The following TNKS1BP1 variants were observed in gnomAD, a reference collection of about 807,000 sequenced individuals.
TNKS1BP1 encodes the protein 182 kDa tankyrase-1-binding protein.
Under a neutral mutation model 141.1 loss-of-function variants are expected in TNKS1BP1, and 48 were observed. The observed-to-expected ratio is 0.34, with a 90% CI of 0.27 to 0.43. The LOEUF (loss-of-function observed/expected upper bound fraction) is 0.43. Ranked by LOEUF, TNKS1BP1 falls within the 20% of genes least tolerant of loss-of-function variation. TNKS1BP1 has a pLI of 1.00. For synonymous variants in TNKS1BP1, 875 were observed against 898.2 expected (o/e 0.97, Z 0.46); for missense variants, 2,149 against 2,226.0 (o/e 0.97, Z 0.70).
At chr11:57,318,077 C>T (rs1351472766) in intron 3 of TNKS1BP1, among the ~76,000 whole-genome samples, 190 bp from the exon 4 acceptor site, 1 of 152,178 alleles carries the variant, frequency 6.6e-6, no homozygotes, top group Non-Finnish European at 1.5e-5. Context: ...TCGGCAAGTG[C>T]CCCAGAAAAC....
intron 1 of TNKS1BP1, among the ~76,000 whole-genome samples, chr11:57,323,648 C>T (rs1331458261): frequency 2.0e-5 from 3 of 152,194 alleles, no homozygotes; most frequent in African/African-American, 7.2e-5. Flanking sequence ...GTACTGTCAA[C>T]CCATTGGTCA....
Position 57,302,223 on chromosome 11 carries a change from T to A in TNKS1BP1, c.4685A>T (p.Asp1562Val). ...CATGGCACTGTCGAGGATCTCGGTG[T>A]CCTGCTTGGGGCAATGGTGACACCA... ...SPSQDFSFIE[D>V]TEILDSAMYR... The change falls in exon 8 of 12, where the codon GAC (aspartate) becomes GTC (valine). Residue 1562 changes from aspartate (D) to valine (V), a missense_variant and splice_region_variant. By Grantham distance (152) the Asp-to-Val change is radical. Coordinates refer to ENST00000358252, the MANE Select transcript of TNKS1BP1 (RefSeq NM_033396.3). The surrounding 1 kb of genome is among the most constrained non-coding windows in gnomAD (Gnocchi z 5.5). The A allele has an allele frequency of 1.9e-6, 3 of 1,609,176 alleles. No individual in the cohort carries two copies. The highest frequency in any genetic ancestry group is 1.7e-4 in the Middle Eastern group (1 of 6,042).
Position 57,308,473 on chromosome 11 carries a change from T to C in TNKS1BP1, c.4238A>G (p.Asp1413Gly). 1 of 1,614,088 alleles carries C rather than the reference T, an allele frequency of 6.2e-7. No homozygotes were observed. Among genetic ancestry groups the C allele is most frequent in the South Asian group, 1.1e-5 (1 of 91,076 alleles). ...TGGCTCCAAGGAAGACGAGGAGTAA[T>C]CTTCACCCTGGGTCTCTGGCCCACT... ...ETSGPETQGE[D>G]YSSSSLEPHP... Residue 1413 changes from aspartate to glycine, a missense_variant, in exon 6 of 12, where the codon GAT becomes GGT. Coordinates refer to ENST00000358252, the MANE Select transcript of TNKS1BP1 (RefSeq NM_033396.3).
At position 57,312,769 on chromosome 11, in the gene TNKS1BP1, G is replaced by A; in HGVS notation, c.1919C>T (p.Pro640Leu). ...PCVLFADAPEPGQALPVEEEA... is the reference protein window; with the variant it reads ...PCVLFADAPELGQALPVEEEA... ...CTCCTCAACAGGCAGTGCCTGTCCA[G>A]GCTCAGGGGCATCAGCAAAGAGAAC... Residue 640 changes from proline to leucine, a missense_variant, in exon 5 of 12, where the codon CCT (proline) becomes CTT (leucine). Pro to Leu is a moderately conservative substitution (Grantham distance 98, BLOSUM62 -3). Coordinates refer to ENST00000358252, the MANE Select transcript of TNKS1BP1 (RefSeq NM_033396.3). 6.2e-7 allele frequency: 1 copy of A among 1,606,060 alleles called. No individual in the cohort carries two copies. The highest frequency in any genetic ancestry group is 1.1e-5 in the South Asian group (1 of 89,756).
At position 57,321,473 on chromosome 11, in the gene TNKS1BP1, G is replaced by T. The variant is rs114268647; in HGVS notation, c.94+319C>A. Among the ~76,000 whole-genome samples the T allele has an allele frequency of 5.4e-3, 817 of 152,250 alleles. 4 individuals carry two copies. The highest frequency in any genetic ancestry group is 0.019 in the African/African-American group (786 of 41,528). On this transcript the variant is annotated intron_variant, in intron 2 of 11. Coordinates refer to ENST00000358252, the MANE Select transcript of TNKS1BP1 (RefSeq NM_033396.3). ...CTACACAAGGAGCCAGGAGGTCTGG[G>T]TTCAAACTCCCACTTGTACACTCCA...
At position 57,320,450 on chromosome 11, in the gene TNKS1BP1, T is replaced by C. The variant is rs749171605; in HGVS notation, c.357A>G (p.Lys119=). 1.2e-6 allele frequency: 2 copies of C among 1,607,838 alleles called. No individual in the cohort carries two copies. The highest frequency in any genetic ancestry group is 1.7e-5 in the Admixed American group (1 of 59,620). The change falls in exon 3 of 12, where the codon AAA becomes AAG. Residue 119 remains lysine (K), a synonymous_variant. Coordinates refer to ENST00000358252, the MANE Select transcript of TNKS1BP1 (RefSeq NM_033396.3). ...GTGGCTCCTCTTTCCCAGCCTCCTC[T>C]TTCCCAGTCTCTTGGGTGGCTTCTC... ...TGGEATQETG[K]EEAGKEEPPP... is the part of the protein sequence containing the mutation.
At chr11:57,304,665 T>C (rs1256139038) in intron 6 of TNKS1BP1, among the ~76,000 whole-genome samples, 1 of 149,634 alleles carries the variant, frequency 6.7e-6, no homozygotes, top group Admixed American at 6.6e-5. Flanking sequence ...AGGTCAGGAG[T>C]TCCAGACCAG....
rs1855868384 is a variant in TNKS1BP1, at chr11:57,320,498, A to G, written c.309T>C (p.Pro103=). The G allele has an allele frequency of 6.2e-7, 1 of 1,610,030 alleles. No individual in the cohort carries two copies. Among genetic ancestry groups the G allele is most frequent in the Non-Finnish European group, 8.5e-7 (1 of 1,177,062 alleles). Residue 103 remains proline (P), a synonymous_variant, in exon 3 of 12, where the codon CCT becomes CCC. Coordinates refer to ENST00000358252, the MANE Select transcript of TNKS1BP1 (RefSeq NM_033396.3). ...SKRPLPFAPR[P]AVEASTGGEA... ...CTCCTCCAGTGGAGGCCTCAACCGCAGGCCTTGGTGCAAAGGGAAGGGGGC... is the reference window on the plus strand; with the variant it reads ...CTCCTCCAGTGGAGGCCTCAACCGCGGGCCTTGGTGCAAAGGGAAGGGGGC...
In TNKS1BP1 at chr11:57,312,689, C is replaced by G; in HGVS notation, c.1999G>C (p.Asp667His). The stretch of plus-strand genomic sequence containing the variant: ...GGCTCGGGGGATGCCCTACACAAGT[C>G]TTGAGCCTCTGTCCTGGCTTGGGTG... Reference protein sequence around the residue: ...ETTQARTEAQDLCRASPEPPG... With the variant: ...ETTQARTEAQHLCRASPEPPG... The change falls in exon 5 of 12, where the codon GAC (aspartate) becomes CAC (histidine). Residue 667 changes from aspartate to histidine, a missense_variant. By Grantham distance (81) the Asp-to-His change is moderately conservative. Coordinates refer to ENST00000358252, the MANE Select transcript of TNKS1BP1 (RefSeq NM_033396.3). 1 of 1,577,136 alleles carries G rather than the reference C, an allele frequency of 6.3e-7. No individual in the cohort carries two copies. Among genetic ancestry groups the G allele is most frequent in the East Asian group, 2.2e-5 (1 of 44,570 alleles).
intron 1 of TNKS1BP1, 188 bp from the exon 2 acceptor site, chr11:57,322,138 T>C (rs976317120): frequency 5.8e-6 from 6 of 1,041,748 alleles, no homozygotes; most frequent in Non-Finnish European, 7.7e-6. Flanking sequence ...TCTTCAAAGA[T>C]CCTCCCCAAC....
rs1224939581 is a variant in TNKS1BP1 at position 57,308,716 on chromosome 11, T to G, written c.3995A>C (p.Gln1332Pro). ...VTCDPDSGGS[Q>P]GLRGCGVGQM... ...CCCCACTCCACATCCCCGTAGCCCC[T>G]GAGAACCTCCAGAGTCTGGGTCACA... The change falls in exon 6 of 12, where the codon CAG becomes CCG. Residue 1332 changes from glutamine to proline, a missense_variant. By Grantham distance (76) the Gln-to-Pro change is moderately conservative (BLOSUM62 -1). Transcript: ENST00000358252. 1 of 1,613,146 alleles carries G rather than the reference T, an allele frequency of 6.2e-7. No individual in the cohort carries two copies. Among genetic ancestry groups the G allele is most frequent in the South Asian group, 1.1e-5 (1 of 91,050 alleles).
At position 57,302,651 on chromosome 11, in the gene TNKS1BP1, C is replaced by T. The variant is rs138666146; in HGVS notation, c.4491G>A (p.Leu1497=). The change falls in exon 7 of 12, where the codon CTG becomes CTA. Residue 1497 remains leucine, a synonymous_variant. Coordinates refer to ENST00000358252, the MANE Select transcript of TNKS1BP1 (RefSeq NM_033396.3). This position sits in a 1 kb window ranked among gnomAD's most constrained non-coding sequence, Gnocchi z 5.5. ...AGGGTGGAGAGTCCCTGCCAGGCTCCAGCACCTCCTCTTGGGCAGCACCTG... is the reference window on the plus strand; with the variant it reads ...AGGGTGGAGAGTCCCTGCCAGGCTCTAGCACCTCCTCTTGGGCAGCACCTG... The part of the protein sequence containing the change: ...AGAGAAQEEV[L]EPGRDSPPSW... The T allele has an allele frequency of 1.5e-3, 2,338 of 1,610,430 alleles. 28 individuals carry two copies. Among genetic ancestry groups the T allele is most frequent in the Middle Eastern group, 0.011 (63 of 5,932 alleles).
chr11:57,313,359 C>G lies in TNKS1BP1; in HGVS notation c.1329G>C (p.Leu443=). The change falls in exon 5 of 12, where the codon CTG becomes CTC. Residue 443 remains leucine, a synonymous_variant. Transcript: ENST00000358252. ...LQSPSQDQEK[L]GGSLAALPQG... is the part of the protein sequence containing the mutation. ...GGGGCAGGGCAGCCAGCGAGCCCCC[C>G]AGCTTCTCCTGGTCCTGACTGGGTG... The G allele has an allele frequency of 6.2e-7, 1 of 1,612,650 alleles. No individual in the cohort carries two copies. Among genetic ancestry groups the G allele is most frequent in the East Asian group, 2.2e-5 (1 of 44,866 alleles).
intron 5 of TNKS1BP1, 130 bp downstream of exon 5, chr11:57,312,404 G>A (rs1055899877): frequency 1.9e-6 from 2 of 1,027,438 alleles, no homozygotes; most frequent in Non-Finnish European, 2.6e-6. Context: ...CAATCTGCAG[G>A]TCCACAGCTG....
intron 1 of TNKS1BP1, chr11:57,322,177 G>A (rs528929574): frequency 3.9e-5 from 42 of 1,068,356 alleles, no homozygotes; most frequent in East Asian, 2.5e-4. Context: ...AAGTCCTAGC[G>A]CTTCAGGGAG....
intron 6 of TNKS1BP1, among the ~76,000 whole-genome samples, chr11:57,304,025 CTGTT>C (rs1361984962): frequency 1.3e-5 from 2 of 152,104 alleles, no homozygotes; most frequent in East Asian, 3.9e-4. Flanking sequence ...AGCTTGTGCG[CTGTT>C]TGTCACTCCC....
chr11:57,306,910 G>GT (rs59853820), intron 6 of TNKS1BP1, among the ~76,000 whole-genome samples: 2 of 150,688 alleles, frequency 1.3e-5, no homozygotes, highest in African/African-American at 4.9e-5. Flanking sequence ...TGGTGGGGGG[G>GT]GGGGTTGGGT....
chr11:57,309,973 T>G lies in TNKS1BP1; in HGVS notation c.2738A>C (p.Asp913Ala). Residue 913 changes from aspartate to alanine, a missense_variant, in exon 6 of 12, where the codon GAC (aspartate) becomes GCC (alanine). Asp to Ala is a moderately radical substitution (Grantham distance 126). Transcript: ENST00000358252. The surrounding 1 kb of genome is among the most constrained non-coding windows in gnomAD (Gnocchi z 4.3). ...NEQGQDLGKR[D>A]HHGRYSSQDA... ...CTGGCTGCTGTACCTACCATGGTGG[T>G]CCCTCTTCCCCAAATCTTGGCCCTG... 6.2e-7 allele frequency: 1 copy of G among 1,613,968 alleles called. No individual in the cohort carries two copies. Among genetic ancestry groups the G allele is most frequent in the Non-Finnish European group, 8.5e-7 (1 of 1,179,920 alleles).
Position 57,320,065 on chromosome 11 carries a change from C to A in TNKS1BP1, c.728+14G>T, listed in dbSNP as rs771018074. On this transcript the variant is annotated intron_variant, in intron 3 of 11. Transcript: ENST00000358252. The stretch of plus-strand genomic sequence containing the variant: ...TCCAGGCTGCCACAAAATATACAAC[C>A]TCCCACCCTTCACCTCTCCTCAGGG... 6.2e-7 allele frequency: 1 copy of A among 1,607,114 alleles called. No homozygotes were observed. Among genetic ancestry groups the A allele is most frequent in the Admixed American group, 1.7e-5 (1 of 59,890 alleles).
Sources: gnomAD v4.1 joint callset for allele counts (sites outside exome capture counted in the v4.1 genomes callset) on GRCh38, gnomAD v4.1.1 for gene constraint, Gnocchi (gnomAD v3.1) non-coding constraint, MANE v1.5 for transcripts, NCBI Gene and HGNC (gene_info 2026-07-23, HGNC 2026-07-21) for gene names.